The following AIRE variants were observed in gnomAD, a reference collection of about 807,000 sequenced individuals.
The protein encoded by AIRE is autoimmune polyendocrinopathy candidiasis ectodermal dystrophy protein.
A neutral mutation model predicts 62.1 loss-of-function variants in AIRE; 52 were observed. The ratio of observed to expected loss-of-function variants is 0.84; its 90% CI spans 0.67 to 1.06. The LOEUF (loss-of-function observed/expected upper bound fraction) is 1.06, where lower values mean the gene tolerates loss of function less well. Among genes scored for constraint, AIRE ranks in the 50% least tolerant of loss-of-function variants. The pLI is 0.00. For synonymous variants in AIRE, 342 were observed against 321.6 expected, an observed-to-expected ratio of 1.06 and a Z score of -0.68; for missense variants, 774 against 755.8, an observed-to-expected ratio of 1.02 and a Z score of -0.28.
chr21:44,287,790 G>C lies in AIRE; in HGVS notation c.538+199G>C, dbSNP rs1344086922. Reference sequence around the variant, plus strand: ...GGGTCTAAGCATGATCTTGCCAGTCGCCCCTGCCCCCACTGCACCCTGGTT... The same window carrying C: ...GGGTCTAAGCATGATCTTGCCAGTCCCCCCTGCCCCCACTGCACCCTGGTT... On this transcript the variant is annotated intron_variant, in intron 4 of 13. Coordinates refer to ENST00000291582, the MANE Select transcript of AIRE (RefSeq NM_000383.4). The surrounding 1 kb of genome is among the most constrained non-coding windows in gnomAD (Gnocchi z 4.3). 6.6e-6 allele frequency among the ~76,000 whole-genome samples: 1 copy of C among 152,030 alleles called. No homozygotes were observed. The highest frequency in any genetic ancestry group is 1.5e-5 in the Non-Finnish European group (1 of 67,982).
Position 44,286,248 on chromosome 21 carries a change from C to T in AIRE, c.132+110C>T. 8.1e-7 allele frequency: 1 copy of T among 1,235,788 alleles called. No homozygotes were observed. 76.6% of individuals were successfully genotyped at this position (1,235,788 alleles called of 1,614,324 possible). A position where few individuals can be genotyped will look rare whatever the true frequency, so the allele number is the denominator to read the frequency against. ...CTCCAGATCCCCAAGCCCCTCCAGCCTTCCCCAACTCCCTCCCCACAAGGA... is the reference window on the plus strand; with the variant it reads ...CTCCAGATCCCCAAGCCCCTCCAGCTTTCCCCAACTCCCTCCCCACAAGGA... On this transcript the variant is annotated intron_variant, in intron 1 of 13. Coordinates refer to ENST00000291582, the MANE Select transcript of AIRE (RefSeq NM_000383.4). The surrounding 1 kb of genome is among the most constrained non-coding windows in gnomAD (Gnocchi z 6.0).
chr21:44,291,187 C>T lies in AIRE; in HGVS notation c.972C>T (p.Ser324=). The T allele has an allele frequency of 1.2e-6, 2 of 1,601,392 alleles. No homozygotes were observed. The highest frequency in any genetic ancestry group is 1.7e-6 in the Non-Finnish European group (2 of 1,176,642). ...GGGCCTTCCACCTGGCCTGCCTGTCCCCTCCGCTCCGGGAGATCCCCAGGT... is the reference window on the plus strand; with the variant it reads ...GGGCCTTCCACCTGGCCTGCCTGTCTCCTCCGCTCCGGGAGATCCCCAGGT... ...CPRAFHLACL[S]PPLREIPSGT... is the part of the protein sequence containing the mutation. Residue 324 remains serine (S), a synonymous_variant, in exon 8 of 14, where the codon TCC becomes TCT. Transcript: ENST00000291582.
Position 44,290,004 on chromosome 21 carries a change from G to T in AIRE, c.815G>T (p.Arg272Met), listed in dbSNP as rs2040519859. Residue 272 changes from arginine to methionine, a missense_variant, in exon 7 of 14, where the codon AGG (arginine) becomes ATG (methionine). Physicochemically the swap from Arg to Met is moderately conservative, Grantham distance 91. Coordinates refer to ENST00000291582, the MANE Select transcript of AIRE (RefSeq NM_000383.4). ...QGAAPGGGEA[R>M]LGQQGSVPAP... is the part of the protein sequence containing the mutation. ...TCCTTGCAGGGTGGAGGTGAGGCTA[G>T]GCTGGGCCAGCAGGGCAGCGTTCCC... 6.2e-7 allele frequency: 1 copy of T among 1,610,758 alleles called. No homozygotes were observed. The highest frequency in any genetic ancestry group is 1.3e-5 in the African/African-American group (1 of 74,912).
intron 10 of AIRE, among the ~76,000 whole-genome samples, chr21:44,293,384 C>A (rs2040565065): frequency 6.6e-6 from 1 of 152,070 alleles, no homozygotes. Context: ...CTGGGCATTA[C>A]TGCTCCCCCC....
At chr21:44,296,246 C>T (rs139991656) in intron 12 of AIRE, 137 bp from the exon 13 acceptor site, 2 of 857,686 alleles carry the variant, frequency 2.3e-6, no homozygotes, top group South Asian at 1.3e-5. Context: ...TGTGCCCCCA[C>T]CCCCAGTGGA....
chr21:44,286,666 T>C lies in AIRE; in HGVS notation c.242T>C (p.Leu81Pro), dbSNP rs770027594. The C allele has an allele frequency of 1.2e-6, 2 of 1,612,970 alleles. No individual in the cohort carries two copies. The highest frequency in any genetic ancestry group is 1.7e-6 in the Non-Finnish European group (2 of 1,180,012). Residue 81 changes from leucine (L) to proline (P), a missense_variant, in exon 2 of 14, where the codon CTG becomes CCG. Physicochemically the swap from Leu to Pro is moderately conservative, Grantham distance 98. Transcript: ENST00000291582. This position sits in a 1 kb window ranked among gnomAD's most constrained non-coding sequence, Gnocchi z 6.0. ...GCCATCCTGGACTTCTGGAGGGTGC[T>C]GTTCAAGGACTACAACCTGGAGCGC... The part of the protein sequence containing the change: ...STAILDFWRV[L>P]FKDYNLERYG...
chr21:44,288,931 C>G (rs1268310027), intron 5 of AIRE: 3 of 173,944 alleles, frequency 1.7e-5, no homozygotes, highest in Admixed American at 1.6e-4. Context: ...GCCATCTGAC[C>G]AGGGCACAGC....
In AIRE at chr21:44,286,740, T is replaced by A. The variant is rs2040486201; in HGVS notation, c.307+9T>A. The stretch of plus-strand genomic sequence containing the variant: ...GGACAGCTTCCCCAAAGGTGGGTCC[T>A]GGTGGACTCAGCCATGCTGGGGGCC... On this transcript the variant is annotated intron_variant, in intron 2 of 13. Transcript: ENST00000291582. The surrounding 1 kb of genome is among the most constrained non-coding windows in gnomAD (Gnocchi z 6.0). The A allele has an allele frequency of 2.5e-6, 4 of 1,612,642 alleles. No homozygotes were observed. Among genetic ancestry groups the A allele is most frequent in the Non-Finnish European group, 3.4e-6 (4 of 1,179,850 alleles).
At chr21:44,289,421 G>A (rs1462755684) in intron 5 of AIRE, 10 of 576,934 alleles carry the variant, frequency 1.7e-5, no homozygotes, top group East Asian at 8.6e-5. Context: ...TTTCAAGTAA[G>A]GTCACACTCT....
At chr21:44,296,506 C>G (rs1218865697) in intron 13 of AIRE, 61 bp downstream of exon 13, 20 of 1,485,172 alleles carry the variant, frequency 1.3e-5, no homozygotes, top group African/African-American at 4.2e-5. Context: ...TCAGCCGGCA[C>G]CCAGGCTCCC....
rs758813866 is a variant in AIRE at position 44,297,758 on chromosome 21, G to T, written c.*31G>T. ...GATGGCCGGGACATGCAGCTCTGATGAGAGAGTGCTGAGAAGGACACCTCC... is the reference window on the plus strand; with the variant it reads ...GATGGCCGGGACATGCAGCTCTGATTAGAGAGTGCTGAGAAGGACACCTCC... On this transcript the variant is annotated 3_prime_UTR_variant, in exon 14 of 14. Coordinates refer to ENST00000291582, the MANE Select transcript of AIRE (RefSeq NM_000383.4). This position sits in a 1 kb window ranked among gnomAD's most constrained non-coding sequence, Gnocchi z 4.8. 1 of 1,588,316 alleles carries T rather than the reference G, an allele frequency of 6.3e-7. No homozygotes were observed. Among genetic ancestry groups the T allele is most frequent in the African/African-American group, 1.3e-5 (1 of 74,424 alleles).
At position 44,287,323 on chromosome 21, in the gene AIRE, G is replaced by A; in HGVS notation, c.463+190G>A. 1 of 765,134 alleles carries A rather than the reference G, an allele frequency of 1.3e-6. No individual in the cohort carries two copies. The highest frequency in any genetic ancestry group is 2.1e-6 in the Non-Finnish European group (1 of 471,054). 47.4% of individuals were successfully genotyped at this position (765,134 alleles called of 1,614,324 possible). A position where few individuals can be genotyped will look rare whatever the true frequency, so the allele number is the denominator to read the frequency against. On this transcript the variant is annotated intron_variant, in intron 3 of 13. Transcript: ENST00000291582. This position sits in a 1 kb window ranked among gnomAD's most constrained non-coding sequence, Gnocchi z 4.3. Reference sequence around the variant, plus strand: ...CCTCTCAGCTCCCTCCTGCCTGAAGGCTGAGCTCCCCGGAGCTGGTGAAGT... The same window carrying A: ...CCTCTCAGCTCCCTCCTGCCTGAAGACTGAGCTCCCCGGAGCTGGTGAAGT...
chr21:44,298,574 AG>A lies in AIRE; in HGVS notation c.*848del, dbSNP rs2040641436. 1 of 152,262 alleles carries A rather than the reference AG, an allele frequency of 6.6e-6. No homozygotes were observed. Among genetic ancestry groups the A allele is most frequent in the Non-Finnish European group, 1.5e-5 (1 of 68,096 alleles). The allele number at this position is 152,262 out of a possible 1,614,324, so 9.4% of individuals were successfully genotyped here. ...GTGCTTCCACCTTTTGGCTGTTGTG[AG>A]TAATGCTGCTATGAATATGTGTGTG... On this transcript the variant is annotated 3_prime_UTR_variant, in exon 14 of 14. Coordinates refer to ENST00000291582, the MANE Select transcript of AIRE (RefSeq NM_000383.4).
intron 5 of AIRE, 107 bp downstream of exon 5, chr21:44,288,565 G>A (rs1270525379): frequency 6.3e-6 from 5 of 790,264 alleles, no homozygotes; most frequent in Admixed American, 4.8e-5. Flanking sequence ...AGACCGGACT[G>A]TTGCTCAGGT....
In AIRE at chr21:44,297,508, T is replaced by A. The variant is rs758076375; in HGVS notation, c.1567-148T>A. The A allele has an allele frequency of 5.4e-6, 4 of 746,226 alleles. No individual in the cohort carries two copies. The highest frequency in any genetic ancestry group is 9.4e-6 in the Non-Finnish European group (4 of 425,880). 46.2% of individuals were successfully genotyped at this position (746,226 alleles called of 1,614,324 possible). On this transcript the variant is annotated intron_variant, in intron 13 of 13. Coordinates refer to ENST00000291582, the MANE Select transcript of AIRE (RefSeq NM_000383.4). This position sits in a 1 kb window ranked among gnomAD's most constrained non-coding sequence, Gnocchi z 4.8. ...GCACAGGACAGGGTCCTCCCCAGAC[T>A]GGCCTGTGCCATGGGGCCTCGGGCC...
chr21:44,296,486 C>A (rs758237665), intron 13 of AIRE, 41 bp downstream of exon 13: 6 of 1,572,376 alleles, frequency 3.8e-6, no homozygotes, highest in Admixed American at 3.3e-5. Context: ...TCCACTCCCC[C>A]TCCCCTGCCT....
At position 44,287,573 on chromosome 21, in the gene AIRE, C is replaced by T. The variant is rs752687905; in HGVS notation, c.520C>T (p.Arg174Cys). The change falls in exon 4 of 14, where the codon CGC becomes TGC. Residue 174 changes from arginine to cysteine, a missense_variant. Arg to Cys is a radical substitution (Grantham distance 180). Coordinates refer to ENST00000291582, the MANE Select transcript of AIRE (RefSeq NM_000383.4). This position sits in a 1 kb window ranked among gnomAD's most constrained non-coding sequence, Gnocchi z 4.3. ...KKPESSAEQQ[R>C]LPLGNGIQTM... ...GCCGGAGAGCAGCGCAGAGCAGCAG[C>T]GCCTTCCACTCGGGAACGGTGAGCG... The T allele has an allele frequency of 2.2e-5, 34 of 1,557,662 alleles. No individual in the cohort carries two copies. The East Asian group carries it at 3.1e-4, about 14-fold the overall frequency.
rs74162064 is a variant in AIRE at position 44,293,145 on chromosome 21, C to G, written c.1248C>G (p.Pro416=). 18 of 1,581,388 alleles carry G rather than the reference C, an allele frequency of 1.1e-5. No homozygotes were observed. The highest frequency in any genetic ancestry group is 1.4e-5 in the Non-Finnish European group (16 of 1,164,010). The part of the protein sequence containing the change: ...LPGLDSSALH[P]LLCVGPEGQQ... Reference sequence around the variant, plus strand: ...GGCTGGACTCCTCGGCCCTGCACCCCCTACTGTGTGTGGGTCCTGAGGGTC... The same window carrying G: ...GGCTGGACTCCTCGGCCCTGCACCCGCTACTGTGTGTGGGTCCTGAGGGTC... Residue 416 remains proline (P), a synonymous_variant, in exon 10 of 14, where the codon CCC becomes CCG. Coordinates refer to ENST00000291582, the MANE Select transcript of AIRE (RefSeq NM_000383.4).
Position 44,297,817 on chromosome 21 carries a change from A to G in AIRE, c.*90A>G. On this transcript the variant is annotated 3_prime_UTR_variant, in exon 14 of 14. Transcript: ENST00000291582. This position sits in a 1 kb window ranked among gnomAD's most constrained non-coding sequence, Gnocchi z 4.8. ...TCCTGGAAGCCGGCCGGCTGGGATC[A>G]AGAAGGGGACAGCGCCACCTCTTGT... is the stretch of plus-strand genomic sequence containing the variant. 6 of 1,273,720 alleles carry G rather than the reference A, an allele frequency of 4.7e-6. No individual in the cohort carries two copies. The South Asian group carries it at 7.5e-5, about 16-fold the overall frequency. The allele number at this position is 1,273,720 out of a possible 1,614,324, so 78.9% of individuals were successfully genotyped here.
Sources: allele counts gnomAD v4.1 joint callset (sites outside exome capture counted in the v4.1 genomes callset), GRCh38; gene constraint gnomAD v4.1.1; non-coding constraint Gnocchi (gnomAD v3.1); transcripts MANE v1.5; gene names NCBI Gene and HGNC (gene_info 2026-07-23, HGNC 2026-07-21).